FAM168B: variants seen among roughly 807,000 people sequenced by gnomAD.
The protein encoded by FAM168B is family with sequence similarity 168 member B, also known as myelin-associated neurite-outgrowth inhibitor.
FAM168B carries 19 observed loss-of-function variants against 21.8 expected under a neutral mutation model. The observed-to-expected ratio is 0.87, with a 90% CI of 0.61 to 1.28. The LOEUF (loss-of-function observed/expected upper bound fraction) is 1.28. Among genes scored for constraint, FAM168B ranks in the 50% most tolerant of loss-of-function variants. The pLI, the probability that FAM168B is intolerant of heterozygous loss-of-function variation, is 0.00. For missense variants in FAM168B, 233 were observed against 263.1 expected (o/e 0.89, Z 0.79); for synonymous variants, 126 against 104.8 (o/e 1.20, Z -1.24).
At chr2:131,081,043 G>C (rs1050324880) in intron 2 of FAM168B, among the ~76,000 whole-genome samples, 3 of 152,056 alleles carry the variant, frequency 2.0e-5, no homozygotes, top group African/African-American at 7.2e-5. Context: ...TTACTGTTCT[G>C]TTTTCCTCCC....
intron 5 of FAM168B, 88 bp downstream of exon 5, chr2:131,055,184 G>GAGCCA: frequency 2.4e-6 from 3 of 1,273,154 alleles, no homozygotes; most frequent in Non-Finnish European, 3.1e-6. Flanking sequence ...TGAAAACCTA[G>GAGCCA]AGCCAAGGGT....
chr2:131,077,995 C>G (rs1402029522), intron 2 of FAM168B, among the ~76,000 whole-genome samples: 1 of 152,194 alleles, frequency 6.6e-6, no homozygotes, highest in Non-Finnish European at 1.5e-5. Context: ...CTTGCCAAAA[C>G]TGAAATGCAT....
intron 3 of FAM168B, among the ~76,000 whole-genome samples, chr2:131,063,161 A>G (rs1275359130): frequency 6.6e-6 from 1 of 152,302 alleles, no homozygotes; most frequent in Non-Finnish European, 1.5e-5. Flanking sequence ...GACATCTGAA[A>G]TTTTTTAAAT....
chr2:131,082,532 A>T, intron 2 of FAM168B, 45 bp downstream of exon 2: 1 of 1,288,076 alleles, frequency 7.8e-7, no homozygotes, highest in Non-Finnish European at 1.1e-6. Context: ...AAAATATACC[A>T]AGTATTCAAA....
chr2:131,066,426 C>T (rs747223170), intron 3 of FAM168B, among the ~76,000 whole-genome samples: 4 of 152,316 alleles, frequency 2.6e-5, no homozygotes, highest in Middle Eastern at 3.4e-3. Context: ...CCGTCCGCCT[C>T]GGCCTCCCAA....
intron 2 of FAM168B, among the ~76,000 whole-genome samples, chr2:131,075,499 C>CTT (rs201403777): frequency 1.4e-5 from 2 of 144,398 alleles, no homozygotes; most frequent in Non-Finnish European, 1.5e-5. Flanking sequence ...CACTTTCTTT[C>CTT]TTTTTTTTTT....
chr2:131,056,129 A>C (rs1341464528), intron 3 of FAM168B, among the ~76,000 whole-genome samples: 2 of 152,164 alleles, frequency 1.3e-5, no homozygotes, highest in Non-Finnish European at 2.9e-5. Context: ...CAGAGACTTA[A>C]CTGTAAGCAT....
In FAM168B at chr2:131,049,869, CTTTAA is replaced by C. The variant is rs1483777377; in HGVS notation, c.*2591_*2595del. On this transcript the variant is annotated 3_prime_UTR_variant, in exon 7 of 7. Coordinates refer to ENST00000389915, the MANE Select transcript of FAM168B (RefSeq NM_001009993.4). Reference sequence around the variant, plus strand: ...GACCCAAGTTCTATTTCTTAATTGACTTTAATTTTACTAGAAGCGAATGTTGATAA... The same window carrying C: ...GACCCAAGTTCTATTTCTTAATTGACTTTTACTAGAAGCGAATGTTGATAA... 1 of 985,634 alleles carries C rather than the reference CTTTAA, an allele frequency of 1.0e-6. No individual in the cohort carries two copies. The highest frequency in any genetic ancestry group is 1.7e-5 in the African/African-American group (1 of 57,250). The allele number at this position is 985,634 out of a possible 1,614,324, so 61.1% of individuals were successfully genotyped here.
At chr2:131,092,366 C>T (rs1431774981) in intron 1 of FAM168B, among the ~76,000 whole-genome samples, 3 of 152,172 alleles carry the variant, frequency 2.0e-5, no homozygotes, top group African/African-American at 7.2e-5. Flanking sequence ...CCCACTCCTT[C>T]ATCTACAAGA....
intron 1 of FAM168B, among the ~76,000 whole-genome samples, chr2:131,087,485 A>T (rs563365189): frequency 1.6e-4 from 24 of 152,166 alleles, no homozygotes; most frequent in Non-Finnish European, 2.9e-4. Context: ...AAATAGTAAT[A>T]ATAATAATTA....
At chr2:131,054,780 G>C (rs144545530) in intron 5 of FAM168B, among the ~76,000 whole-genome samples, 93 of 152,340 alleles carry the variant, frequency 6.1e-4, no homozygotes, top group Admixed American at 8.5e-4. Flanking sequence ...CCTTAGAGGA[G>C]GCCTTGCAAA....
chr2:131,090,312 CTT>C (rs1331304816), intron 1 of FAM168B, among the ~76,000 whole-genome samples: 1 of 124,434 alleles, frequency 8.0e-6, no homozygotes, highest in Non-Finnish European at 1.6e-5. Context: ...AAGCGAGACT[CTT>C]GTCTCAAAAA....
intron 1 of FAM168B, among the ~76,000 whole-genome samples, chr2:131,085,948 A>G (rs1487297217): frequency 6.6e-6 from 1 of 152,208 alleles, no homozygotes; most frequent in East Asian, 1.9e-4. Flanking sequence ...TTTAACTTCA[A>G]CATAAGTAGT....
chr2:131,072,958 C>T (rs1393771869), intron 2 of FAM168B, among the ~76,000 whole-genome samples: 3 of 152,162 alleles, frequency 2.0e-5, no homozygotes, highest in Non-Finnish European at 4.4e-5. Context: ...AACAGCTAAG[C>T]CTATGTAAAG....
intron 3 of FAM168B, among the ~76,000 whole-genome samples, chr2:131,069,774 T>C (rs1692776750): frequency 6.6e-6 from 1 of 151,548 alleles, no homozygotes; most frequent in Admixed American, 6.6e-5. Flanking sequence ...ACGACAGGCG[T>C]GAGCCACTGC....
intron 1 of FAM168B, among the ~76,000 whole-genome samples, chr2:131,083,596 T>C (rs987532920): frequency 4.6e-5 from 7 of 152,212 alleles, no homozygotes; most frequent in African/African-American, 1.4e-4. Context: ...TAACAGAGGA[T>C]AGTTAAGTTA....
At chr2:131,088,315 G>T (rs1180220135) in intron 1 of FAM168B, among the ~76,000 whole-genome samples, 1 of 151,948 alleles carries the variant, frequency 6.6e-6, no homozygotes, top group Admixed American at 6.6e-5. Flanking sequence ...GGAGTAGGAG[G>T]GAATATGCTG....
At chr2:131,056,484 C>A (rs1022136815) in intron 3 of FAM168B, among the ~76,000 whole-genome samples, 4 of 152,094 alleles carry the variant, frequency 2.6e-5, no homozygotes, top group Non-Finnish European at 4.4e-5. Flanking sequence ...CTGCTGGCCA[C>A]CAACCCGTCT....
At chr2:131,059,796 A>T (rs919586483) in intron 3 of FAM168B, among the ~76,000 whole-genome samples, 2 of 152,342 alleles carry the variant, frequency 1.3e-5, no homozygotes, top group African/African-American at 4.8e-5. Context: ...TGATAAAAAA[A>T]ATTTTTAGGT....
Sources: allele counts gnomAD v4.1 joint callset (sites outside exome capture counted in the v4.1 genomes callset), GRCh38; gene constraint gnomAD v4.1.1; transcripts MANE v1.5; gene names NCBI Gene and HGNC (gene_info 2026-07-23, HGNC 2026-07-21).